GPC6: variants seen among roughly 807,000 people sequenced by gnomAD.
The protein encoded by GPC6 is glypican 6.
A neutral mutation model predicts 55.2 loss-of-function variants in GPC6; 14 were observed. That is an observed-to-expected ratio of 0.25 (90% CI 0.17 to 0.40). GPC6 has a LOEUF of 0.40. GPC6 is among the 10% of genes least tolerant of loss of function. The pLI is 1.00. For synonymous variants in GPC6, 278 were observed against 259.6 expected (o/e 1.07, Z -0.68); for missense variants, 641 against 708.5 (o/e 0.90, Z 1.08).
chr13:93,977,457 G>A (rs1295423490), intron 3 of GPC6, among the ~76,000 whole-genome samples: 1 of 143,576 alleles, frequency 7.0e-6, no homozygotes, highest in Non-Finnish European at 1.5e-5. Context: ...GATTTGCCAA[G>A]ATGACAAGGG....
chr13:94,156,525 C>T (rs1294937343), intron 4 of GPC6, among the ~76,000 whole-genome samples: 1 of 152,104 alleles, frequency 6.6e-6, no homozygotes, highest in Non-Finnish European at 1.5e-5. Flanking sequence ...TCTACCCAAC[C>T]ACACCCACAC....
intron 1 of GPC6, among the ~76,000 whole-genome samples, chr13:93,318,014 T>C (rs973905125): frequency 6.6e-6 from 1 of 152,184 alleles, no homozygotes; most frequent in Non-Finnish European, 1.5e-5. Context: ...TTTTCTGCAA[T>C]GAATTCAACT....
chr13:93,283,074 T>C (rs1260915980), intron 1 of GPC6, among the ~76,000 whole-genome samples: 1 of 142,198 alleles, frequency 7.0e-6, no homozygotes, highest in Non-Finnish European at 1.5e-5. Flanking sequence ...TTTACATGGT[T>C]CTTTTGGTAA....
chr13:94,202,541 G>A (rs1889785316), intron 4 of GPC6, among the ~76,000 whole-genome samples: 1 of 152,088 alleles, frequency 6.6e-6, no homozygotes. Context: ...ACAGTATGGG[G>A]GAAACAGCCC....
At chr13:93,764,583 AACAC>A (rs10595180) in intron 2 of GPC6, among the ~76,000 whole-genome samples, 24,673 of 148,382 alleles carry the variant, frequency 0.17, 3,159 homozygotes, top group East Asian at 0.4. Context: ...TAAAGATGTA[AACAC>A]ACACACACAC....
intron 4 of GPC6, among the ~76,000 whole-genome samples, chr13:94,177,402 C>T (rs1006467187): frequency 6.6e-6 from 1 of 151,690 alleles, no homozygotes; most frequent in African/African-American, 2.4e-5. Flanking sequence ...AAGCATGATA[C>T]GTTAATTATA....
intron 6 of GPC6, among the ~76,000 whole-genome samples, chr13:94,306,519 A>G (rs1200104596): frequency 6.6e-6 from 1 of 152,194 alleles, no homozygotes; most frequent in Non-Finnish European, 1.5e-5. Context: ...CAAGTTTATT[A>G]TGACTTCTTA....
chr13:93,822,838 ATTATTATTATTATTATT>A (rs1335425959), intron 2 of GPC6, among the ~76,000 whole-genome samples: 1 of 143,630 alleles, frequency 7.0e-6, no homozygotes, highest in Non-Finnish European at 1.5e-5. Flanking sequence ...CTTTATTATT[ATTATTATTATTATTATT>A]TTATTATTAT....
intron 5 of GPC6, among the ~76,000 whole-genome samples, chr13:94,289,137 G>GA (rs1874801482): frequency 6.6e-6 from 1 of 150,868 alleles, no homozygotes; most frequent in African/African-American, 2.4e-5. Flanking sequence ...ACATAATGAA[G>GA]AAAAAAAGGA....
intron 1 of GPC6, among the ~76,000 whole-genome samples, chr13:93,331,722 A>G (rs964507829): frequency 6.6e-6 from 1 of 152,014 alleles, no homozygotes; most frequent in Non-Finnish European, 1.5e-5. Flanking sequence ...GGTAAACTCT[A>G]TCAGTTTACC....
chr13:93,918,627 G>A (rs1049118942), intron 3 of GPC6, among the ~76,000 whole-genome samples: 2 of 152,232 alleles, frequency 1.3e-5, no homozygotes, highest in South Asian at 2.1e-4. Context: ...TGTACCAACC[G>A]ATGGCCCTCT....
intron 6 of GPC6, among the ~76,000 whole-genome samples, chr13:94,313,111 A>G (rs1876344088): frequency 6.6e-6 from 1 of 152,136 alleles, no homozygotes; most frequent in Admixed American, 6.5e-5. Flanking sequence ...CAAACCACCC[A>G]ACGTATTCTG....
intron 4 of GPC6, among the ~76,000 whole-genome samples, chr13:94,133,782 C>T (rs1231245957): frequency 2.0e-5 from 3 of 151,598 alleles, no homozygotes; most frequent in African/African-American, 4.8e-5. Flanking sequence ...TCATGGATTA[C>T]TGATAGCAGT....
At chr13:94,366,639 T>C (rs924347400) in intron 6 of GPC6, among the ~76,000 whole-genome samples, 1 of 152,260 alleles carries the variant, frequency 6.6e-6, no homozygotes, top group Non-Finnish European at 1.5e-5. Flanking sequence ...AATGACCTAA[T>C]TTAGAATCAG....
chr13:93,641,181 A>G (rs528923927), intron 2 of GPC6, among the ~76,000 whole-genome samples: 95 of 152,078 alleles, frequency 6.2e-4, no homozygotes, highest in African/African-American at 2.2e-3. Flanking sequence ...TTCAGAAAAA[A>G]AAATAGTATC....
intron 4 of GPC6, among the ~76,000 whole-genome samples, chr13:94,091,664 A>G (rs569548187): frequency 2.7e-4 from 41 of 152,188 alleles, no homozygotes; most frequent in African/African-American, 9.6e-4. Context: ...ATGAATTGGT[A>G]TTCACTAGGT....
chr13:93,321,454 G>A (rs1879432510), intron 1 of GPC6, among the ~76,000 whole-genome samples: 1 of 152,008 alleles, frequency 6.6e-6, no homozygotes, highest in African/African-American at 2.4e-5. Flanking sequence ...CTTATCTCGT[G>A]CTGTATATAG....
At chr13:93,497,615 A>T (rs144788982) in intron 1 of GPC6, among the ~76,000 whole-genome samples, 1 of 152,250 alleles carries the variant, frequency 6.6e-6, no homozygotes, top group African/African-American at 2.4e-5. Context: ...AGAAACTTTT[A>T]TGTGAAAGAA....
chr13:94,394,636 G>A (rs1037240856), intron 7 of GPC6, among the ~76,000 whole-genome samples: 1 of 152,074 alleles, frequency 6.6e-6, no homozygotes, highest in South Asian at 2.1e-4. Context: ...TCCGGGGGTC[G>A]CACAATGGAC....
Sources: gnomAD v4.1 joint callset for allele counts (sites outside exome capture counted in the v4.1 genomes callset) on GRCh38, gnomAD v4.1.1 for gene constraint, MANE v1.5 for transcripts, NCBI Gene and HGNC (gene_info 2026-07-23, HGNC 2026-07-21) for gene names.